The following NTRK2 variants were observed in gnomAD, a reference collection of about 807,000 sequenced individuals.
NTRK2 encodes neurotrophic receptor tyrosine kinase 2.
A neutral mutation model predicts 94.5 loss-of-function variants in NTRK2; 13 were observed. The observed-to-expected ratio is 0.14, with a 90% CI of 0.09 to 0.22. The LOEUF (loss-of-function observed/expected upper bound fraction) is 0.22. Among genes scored for constraint, NTRK2 ranks in the 10% least tolerant of loss-of-function variants. NTRK2 has a pLI of 1.00. For missense variants in NTRK2, 639 were observed against 1,071.2 expected (o/e 0.60, Z 5.63); for synonymous variants, 372 against 407.4 (o/e 0.91, Z 1.05).
chr9:84,740,697 C>T (rs1284775686), intron 9 of NTRK2, among the ~76,000 whole-genome samples: 1 of 152,190 alleles, frequency 6.6e-6, no homozygotes, highest in Non-Finnish European at 1.5e-5. Context: ...ATGCAGCATC[C>T]CTGGATGGAA....
intron 9 of NTRK2, among the ~76,000 whole-genome samples, chr9:84,731,157 G>A (rs957366871): frequency 1.3e-5 from 2 of 152,116 alleles, no homozygotes; most frequent in Non-Finnish European, 2.9e-5. Flanking sequence ...ATTTCTGCTC[G>A]GGCGCGCTGG....
chr9:84,886,183 C>T (rs7875184), intron 14 of NTRK2, among the ~76,000 whole-genome samples: 17,558 of 152,108 alleles, frequency 0.12, 1,272 homozygotes, highest in East Asian at 0.22. Flanking sequence ...CCAATGAGAC[C>T]ACTATGAAGA....
chr9:84,842,854 G>A (rs1432810251), intron 12 of NTRK2, among the ~76,000 whole-genome samples: 1 of 152,238 alleles, frequency 6.6e-6, no homozygotes, highest in Admixed American at 6.5e-5. Flanking sequence ...TAGACTGGGG[G>A]AACCCAGTTT....
At chr9:84,955,852 T>C (rs1824050652) in intron 17 of NTRK2, among the ~76,000 whole-genome samples, 1 of 152,210 alleles carries the variant, frequency 6.6e-6, no homozygotes, top group Admixed American at 6.5e-5. Context: ...AATGGTCTTT[T>C]TAACTTAATC....
At chr9:84,998,572 A>G (rs1231300367) in intron 17 of NTRK2, among the ~76,000 whole-genome samples, 1 of 152,210 alleles carries the variant, frequency 6.6e-6, no homozygotes, top group Admixed American at 6.5e-5. Context: ...CCAAGGGGAA[A>G]GAGGGGTGCA....
rs1188534825 is a variant in NTRK2, at chr9:84,785,639, C to T, written c.1396+33554C>T. On this transcript the variant is annotated intron_variant, in intron 12 of 18. Coordinates refer to ENST00000277120, the MANE Select transcript of NTRK2 (RefSeq NM_006180.6). ...GAGGAATTAGTTTCAAGTTGTGCCT[C>T]GAAAATATTGGCCTGTAGAATCTTC... Among the ~76,000 whole-genome samples the T allele has an allele frequency of 2.0e-5, 3 of 152,098 alleles. No homozygotes were observed. In the South Asian group the frequency reaches 6.2e-4, roughly 32 times the overall value.
At chr9:84,862,100 C>T (rs568891004) in intron 13 of NTRK2, among the ~76,000 whole-genome samples, 1 of 152,140 alleles carries the variant, frequency 6.6e-6, no homozygotes, top group Non-Finnish European at 1.5e-5. Context: ...GAAAAGTCAC[C>T]TTGACTCTCG....
In NTRK2 at chr9:84,887,543, C is replaced by A. The variant is rs79470498; in HGVS notation, c.1633+20112C>A. ...TGCCTTTAAAGGCCTCGGAGAAAAA[C>A]GATGTGAGTTTCTAGAAGAAAATGA... On this transcript the variant is annotated intron_variant, in intron 14 of 18. Transcript: ENST00000277120. Among the ~76,000 whole-genome samples the A allele has an allele frequency of 4.6e-3, 704 of 152,260 alleles. 13 individuals are homozygous for A. The highest frequency in any genetic ancestry group is 0.037 in the Admixed American group (570 of 15,292).
chr9:84,884,009 A>G (rs997392303), intron 14 of NTRK2, among the ~76,000 whole-genome samples: 1 of 152,240 alleles, frequency 6.6e-6, no homozygotes, highest in Non-Finnish European at 1.5e-5. Context: ...TGCAAATTCT[A>G]AAGTTTCTTT....
At chr9:84,872,196 A>G in intron 14 of NTRK2, 2 of 1,151,830 alleles carry the variant, frequency 1.7e-6, no homozygotes, top group Non-Finnish European at 2.2e-6. Context: ...TCCCAGTAAA[A>G]TTTACAAACT....
intron 14 of NTRK2, chr9:84,873,506 C>T (rs1786650460): frequency 1.9e-6 from 2 of 1,059,076 alleles, no homozygotes; most frequent in South Asian, 9.1e-5. Context: ...TGCCACGGCC[C>T]CCCCATTGCT....
intron 2 of NTRK2, among the ~76,000 whole-genome samples, chr9:84,671,268 G>A (rs1369654197): frequency 1.3e-5 from 2 of 152,148 alleles, no homozygotes; most frequent in Non-Finnish European, 2.9e-5. Flanking sequence ...TGTGCTTTAG[G>A]CTTTCAGTAT....
intron 15 of NTRK2, among the ~76,000 whole-genome samples, chr9:84,944,209 TCTCTCTCA>T (rs1308016329): frequency 7.1e-6 from 1 of 140,192 alleles, no homozygotes; most frequent in Admixed American, 7.2e-5. Flanking sequence ...TCTCTCTCTC[TCTCTCTCA>T]CACACACACA....
chr9:84,874,049 T>A (rs1363237635), intron 14 of NTRK2: 15 of 1,063,972 alleles, frequency 1.4e-5, no homozygotes, highest in Non-Finnish European at 1.7e-5. Context: ...AGATGGAGGA[T>A]CCTAATGTAT....
chr9:84,683,946 A>G (rs1207762037), intron 2 of NTRK2, among the ~76,000 whole-genome samples: 1 of 152,068 alleles, frequency 6.6e-6, no homozygotes, highest in Non-Finnish European at 1.5e-5. Context: ...ATGATGAGTG[A>G]GGATGATGAT....
chr9:85,012,145 C>T (rs1396253502), intron 17 of NTRK2, among the ~76,000 whole-genome samples: 3 of 151,668 alleles, frequency 2.0e-5, no homozygotes, highest in Non-Finnish European at 2.9e-5. Context: ...TGTGCCACTG[C>T]GCCCAGCTAA....
intron 6 of NTRK2, among the ~76,000 whole-genome samples, chr9:84,721,116 G>C (rs1217114286): frequency 6.6e-6 from 1 of 151,864 alleles, no homozygotes; most frequent in Non-Finnish European, 1.5e-5. Flanking sequence ...AATAAAGTAA[G>C]TATTGCATAT....
chr9:84,776,191 A>G (rs975255554), intron 12 of NTRK2, among the ~76,000 whole-genome samples: 3 of 151,950 alleles, frequency 2.0e-5, no homozygotes, highest in African/African-American at 7.2e-5. Flanking sequence ...ATAAATATAG[A>G]TACAGACTGT....
chr9:84,935,914 A>G lies in NTRK2; in HGVS notation c.1764+1622A>G, dbSNP rs1467839984. Among the ~76,000 whole-genome samples the G allele has an allele frequency of 2.0e-5, 3 of 152,086 alleles. 1 individual carries two copies. Among genetic ancestry groups the G allele is most frequent in the Admixed American group, 1.3e-4 (2 of 15,268 alleles). Reference sequence around the variant, plus strand: ...AAGGTAGCTCTATTTTTGTAAATTCATAGTTTGATCACATGTTAGAGCTGG... The same window carrying G: ...AAGGTAGCTCTATTTTTGTAAATTCGTAGTTTGATCACATGTTAGAGCTGG... On this transcript the variant is annotated intron_variant, in intron 15 of 18. Coordinates refer to ENST00000277120, the MANE Select transcript of NTRK2 (RefSeq NM_006180.6).
Sources: allele counts gnomAD v4.1 joint callset (sites outside exome capture counted in the v4.1 genomes callset), GRCh38; gene constraint gnomAD v4.1.1; transcripts MANE v1.5; gene names NCBI Gene and HGNC (gene_info 2026-07-23, HGNC 2026-07-21).